Variants in ACBD6 observed in about 807,000 individuals in gnomAD.
ACBD6 encodes the protein acyl-CoA binding domain containing 6.
In ACBD6, 28 loss-of-function variants were observed where a neutral mutation model predicts 37.2. The ratio of observed to expected loss-of-function variants is 0.75; its 90% CI spans 0.56 to 1.03. The LOEUF is 1.03. Among genes scored for constraint, ACBD6 ranks in the 50% least tolerant of loss-of-function variants. ACBD6 has a pLI of 0.00. For missense variants in ACBD6, 340 were observed against 337.4 expected (o/e 1.01, Z -0.06); for synonymous variants, 113 against 126.8 (o/e 0.89, Z 0.73).
intron 7 of ACBD6, among the ~76,000 whole-genome samples, chr1:180,304,367 C>A (rs1427268202): frequency 2.0e-5 from 3 of 150,842 alleles, no homozygotes; most frequent in Non-Finnish European, 3.0e-5. Flanking sequence ...CCCATTGTCT[C>A]AGCCCAAAAT....
At chr1:180,472,711 C>G (rs1650615597) in intron 3 of ACBD6, among the ~76,000 whole-genome samples, 1 of 151,952 alleles carries the variant, frequency 6.6e-6, no homozygotes, top group Non-Finnish European at 1.5e-5. Context: ...CTGAGTTTAC[C>G]AGGAAAAACA....
intron 3 of ACBD6, among the ~76,000 whole-genome samples, chr1:180,451,136 T>C (rs7542223): frequency 0.044 from 6,663 of 152,182 alleles, 463 homozygotes; most frequent in African/African-American, 0.14. Flanking sequence ...AAATGGCCAA[T>C]GTGTACATTA....
At chr1:180,438,015 G>A (rs527410976) in intron 3 of ACBD6, among the ~76,000 whole-genome samples, 13 of 152,318 alleles carry the variant, frequency 8.5e-5, no homozygotes, top group African/African-American at 3.1e-4. Context: ...TGGCCGCACA[G>A]CAGGAGATGA....
At chr1:180,412,874 A>G (rs1403447841) in intron 5 of ACBD6, among the ~76,000 whole-genome samples, 1 of 152,102 alleles carries the variant, frequency 6.6e-6, no homozygotes, top group Non-Finnish European at 1.5e-5. Flanking sequence ...TCTCCCTCCA[A>G]AAAAAGGAGT....
intron 3 of ACBD6, among the ~76,000 whole-genome samples, chr1:180,448,134 A>G (rs1238010565): frequency 1.3e-5 from 2 of 152,234 alleles, no homozygotes; most frequent in Admixed American, 6.5e-5. Flanking sequence ...ACAGTGAAAC[A>G]GGTACTAATA....
chr1:180,358,279 T>C (rs1394896314), intron 6 of ACBD6, among the ~76,000 whole-genome samples: 1 of 152,056 alleles, frequency 6.6e-6, no homozygotes, highest in Non-Finnish European at 1.5e-5. Context: ...ATACAAACAT[T>C]AGCTGGGCAT....
chr1:180,403,950 C>T (rs111265763), intron 5 of ACBD6, among the ~76,000 whole-genome samples: 1,547 of 151,756 alleles, frequency 0.01, 21 homozygotes, highest in African/African-American at 0.035. Flanking sequence ...TTAATGGGTA[C>T]AGAGTTTCTT....
At chr1:180,353,000 C>T (rs1054863187) in intron 6 of ACBD6, among the ~76,000 whole-genome samples, 7 of 152,232 alleles carry the variant, frequency 4.6e-5, no homozygotes, top group African/African-American at 7.2e-5. Flanking sequence ...CAGCTTGTCA[C>T]TTTCTCAGTA....
At chr1:180,276,895 GT>G (rs1649070012) in intron 9 of ACBD6, 1 of 151,956 alleles carries the variant, frequency 6.6e-6, no homozygotes, top group East Asian at 1.9e-4. Context: ...AAGTTGACCA[GT>G]TTTTGTAAGT....
At chr1:180,423,230 T>C (rs930910428) in intron 4 of ACBD6, among the ~76,000 whole-genome samples, 1 of 152,240 alleles carries the variant, frequency 6.6e-6, no homozygotes, top group African/African-American at 2.4e-5. Flanking sequence ...ATATATTTAC[T>C]GAAAAACATC....
intron 3 of ACBD6, among the ~76,000 whole-genome samples, chr1:180,433,437 C>G (rs1571504354): frequency 6.6e-6 from 1 of 152,188 alleles, no homozygotes; most frequent in African/African-American, 2.4e-5. Context: ...TAACAACATA[C>G]TCAGTGGTGG....
At chr1:180,421,326 T>C (rs1266276765) in intron 4 of ACBD6, among the ~76,000 whole-genome samples, 3 of 152,226 alleles carry the variant, frequency 2.0e-5, no homozygotes, top group African/African-American at 4.8e-5. Context: ...TCCATCCATG[T>C]CCCTGCAAAG....
At chr1:180,428,441 T>G (rs1002425944) in intron 4 of ACBD6, among the ~76,000 whole-genome samples, 1 of 152,242 alleles carries the variant, frequency 6.6e-6, no homozygotes, top group African/African-American at 2.4e-5. Context: ...TCTTTGTCAT[T>G]GTTTATCACT....
chr1:180,493,802 CTTT>C (rs906076058), intron 2 of ACBD6, among the ~76,000 whole-genome samples: 1 of 152,184 alleles, frequency 6.6e-6, no homozygotes. Context: ...GTATCTTCAG[CTTT>C]TTTGTCTTCC....
At chr1:180,295,745 A>G (rs1480168641) in intron 7 of ACBD6, among the ~76,000 whole-genome samples, 1 of 152,182 alleles carries the variant, frequency 6.6e-6, no homozygotes, top group African/African-American at 2.4e-5. Flanking sequence ...CACCCATATA[A>G]TATGAATTTC....
At chr1:180,347,952 C>CA (rs34993599) in intron 6 of ACBD6, among the ~76,000 whole-genome samples, 10,764 of 135,374 alleles carry the variant, frequency 0.08, 631 homozygotes, top group African/African-American at 0.17. Flanking sequence ...GACCCCGTCT[C>CA]AAAAAAAAAA....
chr1:180,280,172 T>C (rs2764453), intron 9 of ACBD6, among the ~76,000 whole-genome samples: 17,940 of 152,142 alleles, frequency 0.12, 1,632 homozygotes, highest in African/African-American at 0.25. Flanking sequence ...CATAGAGTCT[T>C]GTTAGGGAGA....
At position 180,380,591 on chromosome 1, in the gene ACBD6, A is replaced by T. The variant is rs916354061; in HGVS notation, c.663+16925T>A. 2.0e-5 allele frequency among the ~76,000 whole-genome samples: 3 copies of T among 149,092 alleles called. No individual in the cohort carries two copies. In the South Asian group the frequency reaches 6.7e-4, roughly 33 times the overall value. On this transcript the variant is annotated intron_variant, in intron 6 of 7. Transcript: ENST00000367595. ...CTTAAGGGATACTCAGTATAATAAC[A>T]TGCTGTATAGGTTTTTAAAAGTTAA... is the stretch of plus-strand genomic sequence containing the variant.
intron 6 of ACBD6, among the ~76,000 whole-genome samples, chr1:180,393,302 G>A (rs944489777): frequency 6.6e-6 from 1 of 151,928 alleles, no homozygotes; most frequent in African/African-American, 2.4e-5. Context: ...CAACATAGAA[G>A]CCGCAGTATA....
Sources: gnomAD v4.1 joint callset for allele counts (sites outside exome capture counted in the v4.1 genomes callset) on GRCh38, gnomAD v4.1.1 for gene constraint, MANE v1.5 for transcripts, NCBI Gene and HGNC (gene_info 2026-07-23, HGNC 2026-07-21) for gene names.